The following SOD2 variants were observed in gnomAD, a reference collection of about 807,000 sequenced individuals.
SOD2 encodes superoxide dismutase 2, also known as superoxide dismutase [Mn], mitochondrial.
SOD2 carries 11 observed loss-of-function variants against 27.0 expected under a neutral mutation model. The observed-to-expected ratio is 0.41, with a 90% confidence interval of 0.26 to 0.67. The LOEUF (loss-of-function observed/expected upper bound fraction) is 0.67, where lower values mean the gene tolerates loss of function less well. Among genes scored for constraint, SOD2 ranks in the 30% least tolerant of loss-of-function variants. SOD2 has a pLI of 0.34. For missense variants in SOD2, 250 were observed against 274.5 expected, an observed-to-expected ratio of 0.91 and a Z score of 0.63; for synonymous variants, 105 against 103.0, an observed-to-expected ratio of 1.02 and a Z score of -0.12.
At chr6:159,712,525 A>AGCTGCTCTGACCTC (rs1777835478) in intron 1 of SOD2, among the ~76,000 whole-genome samples, 2 of 107,482 alleles carry the variant, frequency 1.9e-5, no homozygotes, top group Admixed American at 9.0e-5. Flanking sequence ...ACCACCACTC[A>AGCTGCTCTGACCTC]CACTGCTCTG....
At chr6:159,720,248 A>T (rs1778007970) in intron 1 of SOD2, among the ~76,000 whole-genome samples, 1 of 151,962 alleles carries the variant, frequency 6.6e-6, no homozygotes, top group Non-Finnish European at 1.5e-5. Flanking sequence ...ACAGAGTTTC[A>T]CCATGTTGGC....
intron 1 of SOD2, among the ~76,000 whole-genome samples, chr6:159,710,992 ACACTGCTCTGACCT>A (rs1777736910): frequency 1.2e-5 from 1 of 86,334 alleles, no homozygotes; most frequent in Non-Finnish European, 2.6e-5. Flanking sequence ...ACCACCACTC[ACACTGCTCTGACCT>A]CCATAACCAC....
At chr6:159,693,282 G>A, upstream of SOD2, 7 of 899,738 alleles carry the variant, frequency 7.8e-6, no homozygotes, top group Admixed American at 2.6e-5. Context: ...AAAGCGCGGG[G>A]AGCAGGGCCG....
Position 159,692,861 on chromosome 6 carries a change from G to C in SOD2, c.26C>G (p.Thr9Ser), listed in dbSNP as rs772998028. 3.7e-6 allele frequency: 6 copies of C among 1,603,920 alleles called. No homozygotes were observed. The highest frequency in any genetic ancestry group is 1.3e-5 in the African/African-American group (1 of 74,716). MLSRAVCG[T>S]SRQLAPVLGY... Reference sequence around the variant, plus strand: ...CAAAACCGGAGCCAGCTGCCTGCTGGTGCTGAAGACGAGAAAGCACAGCCC... The same window carrying C: ...CAAAACCGGAGCCAGCTGCCTGCTGCTGCTGAAGACGAGAAAGCACAGCCC... The change falls in exon 2 of 5, where the codon ACC (threonine) becomes AGC (serine). Residue 9 changes from threonine to serine, a missense_variant and splice_region_variant. Coordinates refer to ENST00000538183, the MANE Select transcript of SOD2 (RefSeq NM_000636.4).
At position 159,726,913 on chromosome 6, in the gene SOD2, T is replaced by G. The variant is rs1778197562; in HGVS notation, c.-116+216A>C. The G allele has an allele frequency of 3.1e-6, 4 of 1,288,858 alleles. No homozygotes were observed. The South Asian group carries it at 4.9e-5, about 16-fold the overall frequency. The allele number at this position is 1,288,858 out of a possible 1,614,324, so 79.8% of individuals were successfully genotyped here. On this transcript the variant is annotated intron_variant, in intron 1 of 2. Transcript: ENST00000401980. The stretch of plus-strand genomic sequence containing the variant: ...GCCGCCCACGGCCTCTCTCTTGAGG[T>G]GGCACCTGGTCCTCCGACACGCGGA...
upstream of SOD2, among the ~76,000 whole-genome samples, chr6:159,731,121 A>G (rs934700536): frequency 6.6e-6 from 1 of 152,034 alleles, no homozygotes; most frequent in African/African-American, 2.4e-5. Flanking sequence ...AGCCTGGGCA[A>G]CAGAGAGAGA....
At position 159,669,688 on chromosome 6, in the gene SOD2, T is replaced by TA. The variant is rs1779614174; in HGVS notation, c.*12804_*12805insT. On this transcript the variant is annotated 3_prime_UTR_variant, in exon 5 of 5. Coordinates refer to ENST00000538183, the MANE Select transcript of SOD2 (RefSeq NM_000636.4). ...AAAATATGATTATATCTTGCATGAA[T>TA]TGATCCTTGTTTCATTACATAATGA... The TA allele has an allele frequency of 6.6e-6, 1 of 152,232 alleles. No individual in the cohort carries two copies. Among genetic ancestry groups the TA allele is most frequent in the South Asian group, 2.1e-4 (1 of 4,834 alleles). The allele number at this position is 152,232 out of a possible 1,614,324, so 9.4% of individuals were successfully genotyped here.
upstream of SOD2, chr6:159,748,256 A>G (rs1246459368): frequency 6.2e-7 from 1 of 1,614,032 alleles, no homozygotes; most frequent in African/African-American, 1.3e-5. This position sits in a 1 kb window ranked among gnomAD's most constrained non-coding sequence, Gnocchi z 5.6. Context: ...CAACAATGGT[A>G]GACCCAGCGA....
At chr6:159,732,426 T>C (rs1778629611) in intron 1 of SOD2, among the ~76,000 whole-genome samples, 1 of 152,234 alleles carries the variant, frequency 6.6e-6, no homozygotes, top group African/African-American at 2.4e-5. Context: ...TTACGTGAAG[T>C]TCCTGGTTGG....
exon 1 of SOD2, chr6:159,761,879 C>A: frequency 3.4e-6 from 1 of 296,712 alleles, no homozygotes; most frequent in Non-Finnish European, 5.9e-6. Context: ...CCCCGCGCCC[C>A]GCGCCCCGCG....
At chr6:159,704,485 G>A (rs1052770678) in intron 1 of SOD2, among the ~76,000 whole-genome samples, 2 of 152,224 alleles carry the variant, frequency 1.3e-5, no homozygotes, top group African/African-American at 4.8e-5. Flanking sequence ...TATATCCTGT[G>A]CCTGGCTCAG....
At chr6:159,726,761 A>G (rs1008687712) in intron 1 of SOD2, 7 of 1,287,464 alleles carry the variant, frequency 5.4e-6, no homozygotes, top group African/African-American at 4.6e-5. Context: ...GTCTCCAGAG[A>G]TGTCAAGGAG....
In SOD2 at chr6:159,678,725, T is replaced by C. The variant is rs1288236345; in HGVS notation, c.*3768A>G. The C allele has an allele frequency of 1.3e-5, 2 of 152,030 alleles. No individual in the cohort carries two copies. Among genetic ancestry groups the C allele is most frequent in the Non-Finnish European group, 2.9e-5 (2 of 68,012 alleles). The allele number at this position is 152,030 out of a possible 1,614,324, so 9.4% of individuals were successfully genotyped here. On this transcript the variant is annotated 3_prime_UTR_variant, in exon 5 of 5. Coordinates refer to ENST00000538183, the MANE Select transcript of SOD2 (RefSeq NM_000636.4). ...ACCCCACTTTATAGCCAGTCAGAAG[T>C]ATAGGGACTTGCGATTGGTATCTGG... is the stretch of plus-strand genomic sequence containing the variant.
chr6:159,738,131 A>G (rs1050450792), intron 1 of SOD2, among the ~76,000 whole-genome samples: 1 of 152,234 alleles, frequency 6.6e-6, no homozygotes, highest in Non-Finnish European at 1.5e-5. Flanking sequence ...GAAGAGCTAT[A>G]TGCACTATTA....
Position 159,682,582 on chromosome 6 carries a change from T to C in SOD2, c.580A>G (p.Lys194Glu), listed in dbSNP as rs2114763166. The change falls in exon 5 of 5, where the codon AAA becomes GAA. Residue 194 changes from lysine (K) to glutamate (E), a missense_variant. Lys to Glu is a moderately conservative substitution (Grantham distance 56). Transcript: ENST00000538183. ...TTTAGATAATCAGGCCTGACATTTT[T>C]ATACTGAAGGTAGTAAGCGTGCTCC... ...VWEHAYYLQY[K>E]NVRPDYLKAI... 1.9e-6 allele frequency: 3 copies of C among 1,614,002 alleles called. No homozygotes were observed. Among genetic ancestry groups the C allele is most frequent in the Non-Finnish European group, 2.5e-6 (3 of 1,179,952 alleles).
chr6:159,749,297 T>A, upstream of SOD2: 1 of 985,834 alleles, frequency 1.0e-6, no homozygotes, highest in Non-Finnish European at 1.2e-6. Flanking sequence ...AAATCCCCGT[T>A]CCATTCAACA....
At chr6:159,753,334 A>G (rs1779888220) in intron 1 of SOD2, 3 of 1,310,762 alleles carry the variant, frequency 2.3e-6, no homozygotes, top group Non-Finnish European at 3.2e-6. Context: ...GAAGATGGTA[A>G]TTATGGGGAA....
intron 1 of SOD2, among the ~76,000 whole-genome samples, chr6:159,711,792 G>A (rs878988774): frequency 3.7e-4 from 15 of 40,216 alleles, no homozygotes; most frequent in Non-Finnish European, 6.4e-4. Context: ...CACTCACATT[G>A]CTCTGATCAC....
At chr6:159,687,211 C>T (rs1780231872) in intron 3 of SOD2, among the ~76,000 whole-genome samples, 1 of 152,138 alleles carries the variant, frequency 6.6e-6, no homozygotes, top group Non-Finnish European at 1.5e-5. Context: ...TCTAGACTGG[C>T]GCGGTGGCTC....
Sources: gnomAD v4.1 joint callset for allele counts (sites outside exome capture counted in the v4.1 genomes callset) on GRCh38, gnomAD v4.1.1 for gene constraint, Gnocchi (gnomAD v3.1) non-coding constraint, MANE v1.5 for transcripts, NCBI Gene and HGNC (gene_info 2026-07-23, HGNC 2026-07-21) for gene names.